Variants in KCNIP4 observed in about 807,000 individuals in gnomAD.
The protein encoded by KCNIP4 is Kv channel-interacting protein 4.
A neutral mutation model predicts 34.0 loss-of-function variants in KCNIP4; 12 were observed. The ratio of observed to expected loss-of-function variants is 0.35; its 90% CI spans 0.23 to 0.57. The LOEUF (loss-of-function observed/expected upper bound fraction) is 0.57. Among genes scored for constraint, KCNIP4 ranks in the 20% least tolerant of loss-of-function variants. The probability of loss-of-function intolerance (pLI) is 0.83; values close to 1 mark genes in which losing one functional copy is unlikely to be tolerated. For synonymous variants in KCNIP4, 124 were observed against 102.2 expected, an observed-to-expected ratio of 1.21 and a Z score of -1.29; for missense variants, 238 against 311.7, an observed-to-expected ratio of 0.76 and a Z score of 1.78.
chr4:21,757,980 C>T lies in KCNIP4; in HGVS notation c.61+190591G>A, dbSNP rs192111529. On this transcript the variant is annotated intron_variant, in intron 1 of 8. Coordinates refer to ENST00000382152, the MANE Select transcript of KCNIP4 (RefSeq NM_025221.6). The stretch of plus-strand genomic sequence containing the variant: ...ATGCAAGTAATTTGACCTTAGTATG[C>T]CTTATTTTTCACATCTGCAAAATGG... 1.1e-4 allele frequency among the ~76,000 whole-genome samples: 17 copies of T among 152,176 alleles called. 1 individual carries two copies. Among genetic ancestry groups the T allele is most frequent in the Admixed American group, 1.1e-3 (17 of 15,274 alleles).
At chr4:21,917,399 T>G (rs948253366) in intron 1 of KCNIP4, among the ~76,000 whole-genome samples, 1 of 152,134 alleles carries the variant, frequency 6.6e-6, no homozygotes, top group Non-Finnish European at 1.5e-5. Context: ...CCTCCCAAAG[T>G]GCTTGGATTA....
chr4:21,917,145 GT>G (rs1323376826), intron 1 of KCNIP4, among the ~76,000 whole-genome samples: 2 of 151,962 alleles, frequency 1.3e-5, no homozygotes, highest in African/African-American at 4.8e-5. Flanking sequence ...TTGTTTGTTT[GT>G]TTGTTTGAGA....
intron 1 of KCNIP4, among the ~76,000 whole-genome samples, chr4:21,697,041 C>A (rs1175213819): frequency 1.3e-5 from 2 of 151,846 alleles, no homozygotes; most frequent in Non-Finnish European, 2.9e-5. Context: ...AAGAGAAAAA[C>A]CCCTTGCACA....
intron 2 of KCNIP4, among the ~76,000 whole-genome samples, chr4:20,874,555 C>A (rs1306005944): frequency 6.6e-6 from 1 of 152,082 alleles, no homozygotes; most frequent in African/African-American, 2.4e-5. Context: ...CTCTAGCTTT[C>A]CTATACTAAA....
chr4:21,207,785 T>C (rs1044000483), intron 1 of KCNIP4, among the ~76,000 whole-genome samples: 3 of 152,100 alleles, frequency 2.0e-5, no homozygotes, highest in South Asian at 2.1e-4. Context: ...TTTCCACTTC[T>C]AAAAATTATA....
At chr4:21,562,461 G>T (rs1242425983) in intron 1 of KCNIP4, among the ~76,000 whole-genome samples, 1 of 151,958 alleles carries the variant, frequency 6.6e-6, no homozygotes, top group Admixed American at 6.6e-5. Context: ...TAGCTTGTGG[G>T]AATCACTTTT....
intron 1 of KCNIP4, among the ~76,000 whole-genome samples, chr4:21,773,124 C>T (rs947538936): frequency 6.6e-5 from 10 of 152,060 alleles, no homozygotes; most frequent in African/African-American, 2.2e-4. Flanking sequence ...TGCCTCTGTT[C>T]TCATTGGTTT....
intron 1 of KCNIP4, among the ~76,000 whole-genome samples, chr4:21,392,826 C>A (rs1002746422): frequency 6.6e-6 from 1 of 151,876 alleles, no homozygotes; most frequent in Non-Finnish European, 1.5e-5. Flanking sequence ...ATTAAGAGAC[C>A]GAAACAAACA....
intron 1 of KCNIP4, among the ~76,000 whole-genome samples, chr4:21,751,410 C>T (rs944775485): frequency 7.2e-5 from 11 of 152,028 alleles, no homozygotes; most frequent in Non-Finnish European, 1.3e-4. Context: ...TATGTATATA[C>T]ACATTCTTAT....
chr4:21,507,964 T>C (rs1208167917), intron 1 of KCNIP4, among the ~76,000 whole-genome samples: 2 of 152,194 alleles, frequency 1.3e-5, no homozygotes, highest in African/African-American at 2.4e-5. Flanking sequence ...TTGCATCTGA[T>C]GGAATCTCTT....
intron 1 of KCNIP4, among the ~76,000 whole-genome samples, chr4:20,978,894 T>C (rs1264762034): frequency 2.0e-5 from 3 of 152,160 alleles, no homozygotes; most frequent in Non-Finnish European, 4.4e-5. Flanking sequence ...TGACATCCTG[T>C]AGACAATCAA....
intron 1 of KCNIP4, among the ~76,000 whole-genome samples, chr4:21,087,146 A>ATATG (rs1553935810): frequency 3.6e-5 from 4 of 110,934 alleles, no homozygotes; most frequent in African/African-American, 1.1e-4. Context: ...CTGCTGGGTA[A>ATATG]TGTGTGTGTG....
chr4:21,122,807 T>G (rs1750279175), intron 1 of KCNIP4, among the ~76,000 whole-genome samples: 1 of 152,194 alleles, frequency 6.6e-6, no homozygotes, highest in South Asian at 2.1e-4. Context: ...CTGAGTCTGG[T>G]ACCTTGCTCC....
intron 1 of KCNIP4, among the ~76,000 whole-genome samples, chr4:21,666,305 A>G (rs1748955262): frequency 1.3e-5 from 2 of 152,350 alleles, no homozygotes; most frequent in South Asian, 2.1e-4. Flanking sequence ...TTTTGTCATC[A>G]ATAAGTTGAA....
intron 3 of KCNIP4, among the ~76,000 whole-genome samples, chr4:20,794,011 T>C (rs1406255434): frequency 2.0e-5 from 3 of 152,080 alleles, no homozygotes; most frequent in Non-Finnish European, 4.4e-5. Context: ...TCTCATGAGA[T>C]CTGATGGTTT....
intron 3 of KCNIP4, among the ~76,000 whole-genome samples, chr4:20,782,637 A>AGACTACACACAGCAT (rs1212216865): frequency 6.6e-6 from 1 of 152,052 alleles, no homozygotes; most frequent in Non-Finnish European, 1.5e-5. Flanking sequence ...CCAAGTCCCT[A>AGACTACACACAGCAT]GACTACACAC....
At chr4:21,286,503 G>C (rs1044193176) in intron 1 of KCNIP4, among the ~76,000 whole-genome samples, 15 of 152,262 alleles carry the variant, frequency 9.9e-5, no homozygotes, top group African/African-American at 3.6e-4. Flanking sequence ...TCTTTGAAAA[G>C]GGAATCCTTC....
At chr4:21,174,087 C>CT (rs1754217789) in intron 1 of KCNIP4, among the ~76,000 whole-genome samples, 1 of 152,158 alleles carries the variant, frequency 6.6e-6, no homozygotes, top group African/African-American at 2.4e-5. Context: ...CCTTATAACT[C>CT]TAAGTTGGCG....
chr4:21,909,356 T>C (rs1251326938), intron 1 of KCNIP4, among the ~76,000 whole-genome samples: 1 of 152,082 alleles, frequency 6.6e-6, no homozygotes, highest in East Asian at 1.9e-4. Context: ...TGGAATTTTC[T>C]TCTCCCACAT....
Sources: allele counts gnomAD v4.1 joint callset (sites outside exome capture counted in the v4.1 genomes callset), GRCh38; gene constraint gnomAD v4.1.1; transcripts MANE v1.5; gene names NCBI Gene and HGNC (gene_info 2026-07-23, HGNC 2026-07-21).